The following GTF2IRD1 variants were observed in gnomAD, a reference collection of about 807,000 sequenced individuals.
GTF2IRD1 encodes the protein GTF2I repeat domain containing 1, also known as general transcription factor II-I repeat domain-containing protein 1.
GTF2IRD1 carries 26 observed loss-of-function variants against 113.2 expected under a neutral mutation model. The observed-to-expected ratio is 0.23, with a 90% CI of 0.17 to 0.32. The LOEUF is 0.32. Ranked by LOEUF, GTF2IRD1 falls within the 10% of genes least tolerant of loss-of-function variation. The pLI, the probability that GTF2IRD1 is intolerant of heterozygous loss-of-function variation, is 1.00. For synonymous variants in GTF2IRD1, 484 were observed against 529.1 expected (o/e 0.91, Z 1.17); for missense variants, 864 against 1,280.8 (o/e 0.67, Z 4.97).
intron 11 of GTF2IRD1, among the ~76,000 whole-genome samples, chr7:74,537,052 A>G (rs1452197872): frequency 6.6e-6 from 1 of 152,154 alleles, no homozygotes; most frequent in Non-Finnish European, 1.5e-5. Context: ...TAAAGGCTGC[A>G]GTGAGCTATG....
At chr7:74,503,688 G>A (rs564220427) in intron 1 of GTF2IRD1, among the ~76,000 whole-genome samples, 8 of 151,784 alleles carry the variant, frequency 5.3e-5, no homozygotes, top group African/African-American at 1.5e-4. Context: ...GGCGGAGGCC[G>A]CAGTGAGCCG....
chr7:74,485,547 G>A (rs1794973640), intron 1 of GTF2IRD1, among the ~76,000 whole-genome samples: 1 of 152,018 alleles, frequency 6.6e-6, no homozygotes, highest in Non-Finnish European at 1.5e-5. Flanking sequence ...AACCCAGGAG[G>A]CGGAGCTTGC....
At chr7:74,509,376 TA>T (rs1318841842) in intron 2 of GTF2IRD1, among the ~76,000 whole-genome samples, 1 of 148,664 alleles carries the variant, frequency 6.7e-6, no homozygotes, top group Admixed American at 6.7e-5. Context: ...TAAATAAAAA[TA>T]AAAAAATTAG....
chr7:74,571,105 C>T (rs1393849248), intron 22 of GTF2IRD1: 3 of 985,326 alleles, frequency 3.0e-6, no homozygotes, highest in Non-Finnish European at 3.6e-6. Context: ...CGCCCCACCT[C>T]TCCTTCCCCA....
At chr7:74,513,305 AT>A (rs113746423) in intron 3 of GTF2IRD1, among the ~76,000 whole-genome samples, 37 of 150,498 alleles carry the variant, frequency 2.5e-4, no homozygotes, top group African/African-American at 7.1e-4. Context: ...TGCCAACACA[AT>A]TTTTTTTTTC....
chr7:74,511,163 C>T (rs1796609651), intron 2 of GTF2IRD1, among the ~76,000 whole-genome samples: 1 of 151,984 alleles, frequency 6.6e-6, no homozygotes, highest in South Asian at 2.1e-4. Flanking sequence ...AAGACAGGCT[C>T]CCCCGTCCCT....
Position 74,599,418 on chromosome 7 carries a change from G to A in GTF2IRD1, c.2630-1626G>A, listed in dbSNP as rs143908007. Among the ~76,000 whole-genome samples, 788 of 152,266 alleles carry A rather than the reference G, an allele frequency of 5.2e-3. 13 individuals carry two copies. The highest frequency in any genetic ancestry group is 0.018 in the African/African-American group (748 of 41,566). ...CAGAACACCTGCTGACCCCTCCTCC[G>A]TGCTGAACTAGGTGCTGGGTTCTTT... On this transcript the variant is annotated intron_variant, in intron 25 of 26. Transcript: ENST00000424337.
At position 74,551,797 on chromosome 7, in the gene GTF2IRD1, G is replaced by GTGGTGGCGTGTGCC. The variant is rs1799322493; in HGVS notation, c.1917-3374_1917-3361dup. On this transcript the variant is annotated intron_variant, in intron 17 of 26. Transcript: ENST00000424337. ...CTAAAAATGCAAAAATTAGCCGGGT[G>GTGGTGGCGTGTGCC]TGGTGGCGTGTGCCTGTAATCCCAG... Among the ~76,000 whole-genome samples, 3 of 152,206 alleles carry GTGGTGGCGTGTGCC rather than the reference G, an allele frequency of 2.0e-5. No individual in the cohort carries two copies. In the South Asian group the frequency reaches 6.2e-4, roughly 32 times the overall value.
chr7:74,601,736 C>T (rs1226099106), intron 26 of GTF2IRD1: 3 of 212,046 alleles, frequency 1.4e-5, no homozygotes, highest in African/African-American at 2.3e-5. Flanking sequence ...GAGCCGAGGT[C>T]GCGCCATTGC....
At chr7:74,552,621 T>G (rs56322805) in intron 17 of GTF2IRD1, among the ~76,000 whole-genome samples, 29,284 of 152,206 alleles carry the variant, frequency 0.19, 2,976 homozygotes, top group African/African-American at 0.21. Flanking sequence ...TAAGAGACAG[T>G]GTCTCATTCT....
At chr7:74,561,221 C>A (rs1317905978) in intron 22 of GTF2IRD1, among the ~76,000 whole-genome samples, 1 of 151,684 alleles carries the variant, frequency 6.6e-6, no homozygotes, top group Non-Finnish European at 1.5e-5. Context: ...TGGTGGCGCA[C>A]ACCTGTAATC....
At position 74,465,042 on chromosome 7, in the gene GTF2IRD1, A is replaced by G. The variant is rs1793626839; in HGVS notation, c.-7+10866A>G. Reference sequence around the variant, plus strand: ...CTCCAGGGTGGTCCTGGCAGCTCCAAGGGGTCTTGTGACTCTCTCAGTCTG... The same window carrying G: ...CTCCAGGGTGGTCCTGGCAGCTCCAGGGGGTCTTGTGACTCTCTCAGTCTG... On this transcript the variant is annotated intron_variant, in intron 1 of 26. Transcript: ENST00000424337. Among the ~76,000 whole-genome samples, 2 of 152,118 alleles carry G rather than the reference A, an allele frequency of 1.3e-5. 1 individual carries two copies. Among genetic ancestry groups the G allele is most frequent in the South Asian group, 4.1e-4 (2 of 4,820 alleles).
chr7:74,487,416 T>C (rs565214280), intron 1 of GTF2IRD1: 1 of 152,194 alleles, frequency 6.6e-6, no homozygotes, highest in East Asian at 1.9e-4. Context: ...TAAGAAATAC[T>C]AAGTCACCCA....
chr7:74,547,028 C>A, intron 16 of GTF2IRD1, 75 bp from the exon 17 acceptor site: 1 of 1,375,556 alleles, frequency 7.3e-7, no homozygotes, highest in Non-Finnish European at 1.0e-6. Context: ...CCCCCCGACA[C>A]AGGCACGGGA....
intron 9 of GTF2IRD1, among the ~76,000 whole-genome samples, chr7:74,531,688 G>C (rs587623018): frequency 6.6e-6 from 1 of 151,848 alleles, no homozygotes; most frequent in Admixed American, 6.6e-5. Flanking sequence ...TTCAAGACCA[G>C]CCTGGCCAAC....
At chr7:74,563,942 G>T (rs587613960) in intron 22 of GTF2IRD1, among the ~76,000 whole-genome samples, 2 of 142,742 alleles carry the variant, frequency 1.4e-5, no homozygotes, top group Admixed American at 6.8e-5. Flanking sequence ...CTTATTGAAG[G>T]TTCCCATGGA....
At chr7:74,500,630 T>C (rs567376880) in intron 1 of GTF2IRD1, among the ~76,000 whole-genome samples, 23 of 152,272 alleles carry the variant, frequency 1.5e-4, no homozygotes, top group Admixed American at 1.2e-3. Flanking sequence ...GTCCTCATTC[T>C]TTGCATCACG....
intron 17 of GTF2IRD1, among the ~76,000 whole-genome samples, chr7:74,553,538 C>A (rs1799428436): frequency 6.6e-6 from 1 of 152,142 alleles, no homozygotes; most frequent in African/African-American, 2.4e-5. Context: ...ATGCCCCTGC[C>A]TCAGCCTCCC....
intron 21 of GTF2IRD1, 104 bp from the exon 22 acceptor site, chr7:74,559,523 G>T (rs1393673546): frequency 5.8e-5 from 54 of 936,008 alleles, no homozygotes; most frequent in Non-Finnish European, 8.4e-5. Context: ...GCTGCTGTAG[G>T]TCTGGGGTGC....
Sources: gnomAD v4.1 joint callset for allele counts (sites outside exome capture counted in the v4.1 genomes callset) on GRCh38, gnomAD v4.1.1 for gene constraint, MANE v1.5 for transcripts, NCBI Gene and HGNC (gene_info 2026-07-23, HGNC 2026-07-21) for gene names.